Variants in CKMT2 observed in about 807,000 individuals in gnomAD.
CKMT2 encodes creatine kinase S-type, mitochondrial.
In CKMT2, 43 loss-of-function variants were observed where a neutral mutation model predicts 48.9. That is an observed-to-expected ratio of 0.88 (90% CI 0.69 to 1.13). CKMT2 has a LOEUF of 1.13. Ranked by LOEUF, CKMT2 falls within the 50% of genes most tolerant of loss-of-function variation. The pLI, the probability that CKMT2 is intolerant of heterozygous loss-of-function variation, is 0.00. For synonymous variants in CKMT2, 206 were observed against 213.0 expected, an observed-to-expected ratio of 0.97 and a Z score of 0.29; for missense variants, 472 against 555.4, an observed-to-expected ratio of 0.85 and a Z score of 1.51.
In CKMT2 at chr5:81,251,208, C is replaced by T. The variant is rs763937184; in HGVS notation, c.76C>T (p.Leu26=). 1 of 1,614,172 alleles carries T rather than the reference C, an allele frequency of 6.2e-7. No individual in the cohort carries two copies. The highest frequency in any genetic ancestry group is 8.5e-7 in the Non-Finnish European group (1 of 1,180,036). The change falls in exon 2 of 10, where the codon CTG becomes TTG. Residue 26 remains leucine, a synonymous_variant. Coordinates refer to ENST00000254035, the MANE Select transcript of CKMT2 (RefSeq NM_001099735.2). ...GTTTGCTACCATGGGCACCAGTGTC[C>T]TGACCACCGGGTACCTGCTGAACCG... ...LLFATMGTSV[L]TTGYLLNRQK...
intron 1 of CKMT2, chr5:81,245,084 G>A (rs942930281): frequency 1.3e-5 from 2 of 152,118 alleles, no homozygotes; most frequent in African/African-American, 4.8e-5. Context: ...TTTAGATCAA[G>A]GAGTCAAATG....
At chr5:81,238,342 A>G (rs953913558) in intron 1 of CKMT2, 1 of 152,246 alleles carries the variant, frequency 6.6e-6, no homozygotes, top group Admixed American at 6.5e-5. Flanking sequence ...AAAAAAAATA[A>G]AAAAACAAAA....
rs1185948317 is a variant in CKMT2 at position 81,257,869 on chromosome 5, C to T, written c.879+13C>T. On this transcript the variant is annotated intron_variant, in intron 7 of 9. Transcript: ENST00000254035. ...TGGACTAAAAGAAGTAAGATGTTAT[C>T]TGAGATTTCTGGATATTTATTAAAA... 6 of 1,603,446 alleles carry T rather than the reference C, an allele frequency of 3.7e-6. No homozygotes were observed. The highest frequency in any genetic ancestry group is 5.1e-6 in the Non-Finnish European group (6 of 1,174,096).
chr5:81,247,447 G>A (rs964422914), intron 1 of CKMT2, among the ~76,000 whole-genome samples: 3 of 152,204 alleles, frequency 2.0e-5, no homozygotes, highest in African/African-American at 7.2e-5. Context: ...CTTCTGAGTA[G>A]GGGTTACAGC....
intron 9 of CKMT2, 137 bp downstream of exon 9, chr5:81,263,753 T>C: frequency 3.2e-6 from 2 of 628,666 alleles, no homozygotes; most frequent in Non-Finnish European, 2.6e-6. Context: ...TATGTTAGCT[T>C]TTCATTCTGT....
At chr5:81,257,140 AAGTGTGTGTG>A in intron 6 of CKMT2, 140 bp downstream of exon 6, 1 of 521,352 alleles carries the variant, frequency 1.9e-6, no homozygotes, top group East Asian at 3.7e-5. Flanking sequence ...ACTACTTGGA[AAGTGTGTGTG>A]TGTGTGTGTG....
At chr5:81,242,313 G>C in intron 1 of CKMT2, 3 of 337,070 alleles carry the variant, frequency 8.9e-6, no homozygotes, top group Non-Finnish European at 1.7e-5. Context: ...CTTTTTTTTT[G>C]TGAGACAAAG....
intron 1 of CKMT2, among the ~76,000 whole-genome samples, chr5:81,234,017 TAATTAAAA>T (rs1756180354): frequency 6.6e-5 from 7 of 105,812 alleles, no homozygotes; most frequent in Admixed American, 2.2e-4. Flanking sequence ...CACCGGAGGT[TAATTAAAA>T]AAAAAAAAAA....
intron 1 of CKMT2, among the ~76,000 whole-genome samples, chr5:81,233,705 G>A (rs1756172722): frequency 6.6e-6 from 1 of 152,184 alleles, no homozygotes; most frequent in Admixed American, 6.5e-5. Flanking sequence ...TTGACGCTAA[G>A]TTTGGGACAA....
intron 7 of CKMT2, 77 bp downstream of exon 7, chr5:81,257,933 A>ATG (rs1330099125): frequency 7.1e-7 from 1 of 1,408,852 alleles, no homozygotes. Context: ...AGAAGACACT[A>ATG]TGGTAACTTC....
chr5:81,256,744 CTG>C (rs1757024900), intron 5 of CKMT2, among the ~76,000 whole-genome samples, 169 bp from the exon 6 acceptor site: 1 of 152,320 alleles, frequency 6.6e-6, no homozygotes, highest in African/African-American at 2.4e-5. Flanking sequence ...GTCAGAATCT[CTG>C]GGCATTGTTT....
rs1756864765 is a variant in CKMT2, at chr5:81,252,727, A to G, written c.185A>G (p.Asn62Ser). 1 of 1,613,864 alleles carries G rather than the reference A, an allele frequency of 6.2e-7. No homozygotes were observed. The highest frequency in any genetic ancestry group is 2.2e-5 in the East Asian group (1 of 44,866). Residue 62 changes from asparagine to serine, a missense_variant, in exon 3 of 10, where the codon AAC becomes AGC. Coordinates refer to ENST00000254035, the MANE Select transcript of CKMT2 (RefSeq NM_001099735.2). ...ADYPDLRKHNNCMAECLTPAI... is the reference protein window; with the variant it reads ...ADYPDLRKHNSCMAECLTPAI... ...TACCCAGACCTGCGCAAGCACAACA[A>G]CTGCATGGCCGAGTGCCTCACCCCC...
chr5:81,234,024 A>T (rs1175484085), intron 1 of CKMT2, among the ~76,000 whole-genome samples: 5 of 46,974 alleles, frequency 1.1e-4, no homozygotes, highest in Middle Eastern at 0.026. Flanking sequence ...GGTTAATTAA[A>T]AAAAAAAAAA....
chr5:81,238,993 T>C (rs1321216901), intron 1 of CKMT2: 1 of 152,274 alleles, frequency 6.6e-6, no homozygotes. Flanking sequence ...GTTGAGCAGA[T>C]GGAGGGATGG....
intron 4 of CKMT2, 136 bp from the exon 5 acceptor site, chr5:81,254,857 A>G (rs1302784464): frequency 9.6e-6 from 7 of 728,794 alleles, no homozygotes; most frequent in Middle Eastern, 3.7e-4. Flanking sequence ...AATGTGTCCA[A>G]TTTACGGATT....
chr5:81,245,797 C>T (rs1756588228), intron 1 of CKMT2, among the ~76,000 whole-genome samples: 3 of 152,186 alleles, frequency 2.0e-5, no homozygotes, highest in South Asian at 4.2e-4. Flanking sequence ...AGCTGTGGTG[C>T]GAGGGGCCCG....
chr5:81,252,994 C>T (rs1377137274), intron 3 of CKMT2, 101 bp downstream of exon 3: 13 of 1,303,482 alleles, frequency 1.0e-5, no homozygotes, highest in African/African-American at 1.5e-5. Flanking sequence ...GGCCAACTTT[C>T]TGCCTTCTCA....
In CKMT2 at chr5:81,257,852, A is replaced by AAGAAGTAAGATGTTAT. The variant is rs1234263492; in HGVS notation, c.876_879+12dup. ...TTTGAGCGATTCTGTCGTGGACTAA[A>AAGAAGTAAGATGTTAT]AGAAGTAAGATGTTATCTGAGATTT... On this transcript the variant is annotated frameshift_variant, in exon 7 of 10. Coordinates refer to ENST00000254035, the MANE Select transcript of CKMT2 (RefSeq NM_001099735.2). LOFTEE classifies it high-confidence loss of function. The AAGAAGTAAGATGTTAT allele has an allele frequency of 2.5e-6, 4 of 1,610,860 alleles. No individual in the cohort carries two copies. In the South Asian group the frequency reaches 4.4e-5, roughly 18 times the overall value.
chr5:81,251,339 G>T, intron 2 of CKMT2, 55 bp downstream of exon 2: 2 of 1,581,542 alleles, frequency 1.3e-6, no homozygotes, highest in Non-Finnish European at 1.7e-6. Context: ...GCTCATGCAT[G>T]TAATCCCAGC....
Sources: gnomAD v4.1 joint callset for allele counts (sites outside exome capture counted in the v4.1 genomes callset) on GRCh38, gnomAD v4.1.1 for gene constraint, MANE v1.5 for transcripts, NCBI Gene and HGNC (gene_info 2026-07-23, HGNC 2026-07-21) for gene names.